CACNA2D3: variants seen among roughly 807,000 people sequenced by gnomAD.
CACNA2D3 encodes voltage-dependent calcium channel subunit alpha-2/delta-3.
In CACNA2D3, 60 loss-of-function variants were observed where a neutral mutation model predicts 160.6. That is an observed-to-expected ratio of 0.37 (90% CI 0.30 to 0.46). CACNA2D3 has a LOEUF of 0.46. CACNA2D3 is among the 20% of genes least tolerant of loss of function. The pLI is 1.00. For missense variants in CACNA2D3, 1,205 were observed against 1,365.0 expected, an observed-to-expected ratio of 0.88 and a Z score of 1.85; for synonymous variants, 558 against 492.9, an observed-to-expected ratio of 1.13 and a Z score of -1.75.
chr3:54,272,043 G>T (rs1027647790), intron 2 of CACNA2D3, among the ~76,000 whole-genome samples: 1 of 152,176 alleles, frequency 6.6e-6, no homozygotes, highest in Non-Finnish European at 1.5e-5. Flanking sequence ...CCCAGACAGG[G>T]AAGAGAGGAC....
chr3:54,962,556 C>T (rs1310300045), intron 27 of CACNA2D3, among the ~76,000 whole-genome samples: 1 of 152,120 alleles, frequency 6.6e-6, no homozygotes, highest in East Asian at 1.9e-4. Flanking sequence ...ATTTTTGTCC[C>T]ACAAAAATTC....
chr3:54,217,956 TGAG>T (rs1701493269), intron 2 of CACNA2D3, among the ~76,000 whole-genome samples: 1 of 150,812 alleles, frequency 6.6e-6, no homozygotes, highest in Non-Finnish European at 1.5e-5. Flanking sequence ...AGAGGTGTGT[TGAG>T]GGGGGTGTTT....
At chr3:54,779,791 A>C (rs1222758248) in intron 13 of CACNA2D3, among the ~76,000 whole-genome samples, 1 of 152,180 alleles carries the variant, frequency 6.6e-6, no homozygotes, top group Non-Finnish European at 1.5e-5. Context: ...CAGGTCCCCT[A>C]TAGGTTTTCT....
At chr3:54,635,154 G>A (rs1280941412) in intron 10 of CACNA2D3, among the ~76,000 whole-genome samples, 1 of 151,814 alleles carries the variant, frequency 6.6e-6, no homozygotes, top group African/African-American at 2.4e-5. Flanking sequence ...AGAAACATTT[G>A]TTGTATAGAA....
chr3:54,778,119 C>T lies in CACNA2D3; in HGVS notation c.1380+13768C>T, dbSNP rs115484441. Among the ~76,000 whole-genome samples, 1,300 of 152,218 alleles carry T rather than the reference C, an allele frequency of 8.5e-3. 18 individuals carry two copies. The highest frequency in any genetic ancestry group is 0.029 in the African/African-American group (1,207 of 41,528). ...GCAGAAGGCAAAGGGGAAGCAGGCA[C>T]GTCCTACGTGGCTGGAGCAGAAGGA... On this transcript the variant is annotated intron_variant, in intron 13 of 37. Coordinates refer to ENST00000474759, the MANE Select transcript of CACNA2D3 (RefSeq NM_018398.3).
intron 4 of CACNA2D3, among the ~76,000 whole-genome samples, chr3:54,400,702 A>T (rs1022033553): frequency 6.6e-6 from 1 of 152,162 alleles, no homozygotes. Flanking sequence ...TAGAGTCACC[A>T]TGCCCTACCA....
chr3:54,313,542 C>T (rs372343886), intron 2 of CACNA2D3, among the ~76,000 whole-genome samples: 5 of 152,172 alleles, frequency 3.3e-5, no homozygotes, highest in African/African-American at 9.6e-5. Flanking sequence ...CAAACTCTTA[C>T]TCCTAGCACA....
intron 31 of CACNA2D3, among the ~76,000 whole-genome samples, chr3:54,996,465 G>C (rs1702861827): frequency 6.6e-6 from 1 of 152,200 alleles, no homozygotes; most frequent in Admixed American, 6.5e-5. Flanking sequence ...ACTTGCCCCA[G>C]GAGCAAAGCA....
intron 5 of CACNA2D3, among the ~76,000 whole-genome samples, chr3:54,559,210 A>G (rs11914859): frequency 1.2e-4 from 18 of 152,074 alleles, no homozygotes; most frequent in African/African-American, 4.3e-4. Flanking sequence ...ATCCTCAGTG[A>G]CCCACATTGC....
chr3:54,235,044 T>G (rs1701848011), intron 2 of CACNA2D3, among the ~76,000 whole-genome samples: 1 of 152,122 alleles, frequency 6.6e-6, no homozygotes, highest in Non-Finnish European at 1.5e-5. Context: ...CTTCCAGATC[T>G]TGGTTTCTAA....
At chr3:54,837,295 C>G in intron 15 of CACNA2D3, 65 bp downstream of exon 15, 1 of 1,264,682 alleles carries the variant, frequency 7.9e-7, no homozygotes, top group Non-Finnish European at 1.2e-6. Flanking sequence ...CCCCCTCTGA[C>G]TCCAGCTCTG....
In CACNA2D3 at chr3:54,520,021, T is replaced by C. The variant is rs574400050; in HGVS notation, c.544+16367T>C. Among the ~76,000 whole-genome samples, 63 of 152,336 alleles carry C rather than the reference T, an allele frequency of 4.1e-4. 1 individual carries two copies. Among genetic ancestry groups the C allele is most frequent in the African/African-American group, 1.5e-3 (62 of 41,578 alleles). ...GTGTCTGCATTAAGAATAAAACCTC[T>C]TAAGATGGCAGATTGCAATATTGTG... On this transcript the variant is annotated intron_variant, in intron 5 of 37. Transcript: ENST00000474759.
chr3:55,035,803 G>A (rs1703804070), intron 35 of CACNA2D3, among the ~76,000 whole-genome samples: 1 of 152,154 alleles, frequency 6.6e-6, no homozygotes, highest in Non-Finnish European at 1.5e-5. Context: ...AATGGTCAGG[G>A]TATTTAGGAT....
chr3:54,230,640 C>G (rs1265365971), intron 2 of CACNA2D3, among the ~76,000 whole-genome samples: 1 of 152,178 alleles, frequency 6.6e-6, no homozygotes, highest in East Asian at 1.9e-4. Context: ...GCATGTTATA[C>G]TTACAGCTCA....
At chr3:54,330,210 ATGTGTGTGTGTGTGTG>A (rs10591706) in intron 3 of CACNA2D3, among the ~76,000 whole-genome samples, 5 of 146,594 alleles carry the variant, frequency 3.4e-5, no homozygotes, top group East Asian at 2.0e-4. Context: ...TTTAATTGAT[ATGTGTGTGTGTGTGTG>A]TGTGTGTGTG....
intron 2 of CACNA2D3, among the ~76,000 whole-genome samples, chr3:54,298,224 G>A (rs1054253652): frequency 6.6e-6 from 1 of 152,068 alleles, no homozygotes; most frequent in Non-Finnish European, 1.5e-5. Flanking sequence ...ATAGAAAGAC[G>A]GACCTCTACA....
chr3:54,900,383 TGA>T (rs140231854), intron 27 of CACNA2D3, among the ~76,000 whole-genome samples: 1 of 152,338 alleles, frequency 6.6e-6, no homozygotes, highest in Non-Finnish European at 1.5e-5. Context: ...ATTATATGAC[TGA>T]GAGTCTTGAA....
intron 2 of CACNA2D3, among the ~76,000 whole-genome samples, chr3:54,217,613 C>G (rs894108648): frequency 1.3e-5 from 2 of 152,062 alleles, no homozygotes; most frequent in African/African-American, 4.8e-5. Context: ...AAGACAGAGG[C>G]AGAGATCAGA....
chr3:54,744,159 G>A (rs1368697561), intron 11 of CACNA2D3, among the ~76,000 whole-genome samples: 2 of 152,170 alleles, frequency 1.3e-5, no homozygotes, highest in African/African-American at 4.8e-5. Flanking sequence ...GGATCTGAAT[G>A]TGAATAGCTG....
Sources: allele counts gnomAD v4.1 joint callset (sites outside exome capture counted in the v4.1 genomes callset), GRCh38; gene constraint gnomAD v4.1.1; transcripts MANE v1.5; gene names NCBI Gene and HGNC (gene_info 2026-07-23, HGNC 2026-07-21).